FRAS1: variants seen among roughly 807,000 people sequenced by gnomAD.
The protein encoded by FRAS1 is Fraser extracellular matrix complex subunit 1.
Under a neutral mutation model 435.2 loss-of-function variants are expected in FRAS1, and 290 were observed. The ratio of observed to expected loss-of-function variants is 0.67; its 90% CI spans 0.61 to 0.73. FRAS1 has a LOEUF of 0.73. FRAS1 is among the 30% of genes least tolerant of loss of function. The pLI, the probability that FRAS1 is intolerant of heterozygous loss-of-function variation, is 0.00. For synonymous variants in FRAS1, 1,800 were observed against 1,851.0 expected (o/e 0.97, Z 0.71); for missense variants, 4,860 against 5,001.5 (o/e 0.97, Z 0.85).
intron 2 of FRAS1, among the ~76,000 whole-genome samples, chr4:78,162,438 C>A (rs534864397): frequency 6.6e-6 from 1 of 152,314 alleles, no homozygotes; most frequent in East Asian, 1.9e-4. Flanking sequence ...TGTTTTCTTG[C>A]ACTGCAGGAC....
intron 2 of FRAS1, among the ~76,000 whole-genome samples, chr4:78,174,352 T>C (rs1578166819): frequency 6.6e-6 from 1 of 152,344 alleles, no homozygotes; most frequent in Middle Eastern, 3.4e-3. Flanking sequence ...TGGAACCTGC[T>C]TAATGAAGAC....
At chr4:78,259,850 T>G (rs1443485119) in intron 6 of FRAS1, among the ~76,000 whole-genome samples, 5 of 151,924 alleles carry the variant, frequency 3.3e-5, no homozygotes, top group Non-Finnish European at 7.4e-5. Flanking sequence ...GGTTGAACGT[T>G]TAAGTCTTTA....
intron 18 of FRAS1, among the ~76,000 whole-genome samples, chr4:78,332,913 C>G (rs184999021): frequency 4.9e-4 from 75 of 152,314 alleles, no homozygotes; most frequent in Non-Finnish European, 8.5e-4. Context: ...CGATAAGCAG[C>G]AGAGTATCTA....
rs1387502813 is a variant in FRAS1 at position 78,448,146 on chromosome 4, C to T, written c.6104C>T (p.Ala2035Val). 1 of 1,613,744 alleles carries T rather than the reference C, an allele frequency of 6.2e-7. No individual in the cohort carries two copies. Among genetic ancestry groups the T allele is most frequent in the Non-Finnish European group, 8.5e-7 (1 of 1,179,836 alleles). The change falls in exon 44 of 74, where the codon GCT (alanine) becomes GTT (valine). Residue 2035 changes from alanine to valine, a missense_variant. Ala to Val is a moderately conservative substitution (Grantham distance 64, BLOSUM62 0). Transcript: ENST00000512123. Reference protein sequence around the residue: ...GSTFTYQDILAGLVGYVPSVP... With the variant: ...GSTFTYQDILVGLVGYVPSVP... Reference sequence around the variant, plus strand: ...ACCTTCACCTACCAGGATATCCTAGCTGGGCTGGTTGGGTATGTGCCTAGT... The same window carrying T: ...ACCTTCACCTACCAGGATATCCTAGTTGGGCTGGTTGGGTATGTGCCTAGT...
rs189639322 is a variant in FRAS1 at position 78,413,048 on chromosome 4, C to T, written c.4388C>T (p.Ala1463Val). Reference protein sequence around the residue: ...NIAILPQTPEAPKVSLEASLH... With the variant: ...NIAILPQTPEVPKVSLEASLH... ...GCGATCTTACCACAGACACCTGAAG[C>T]ACCTAAAGTGTCTCTGGAAGCATCT... The change falls in exon 32 of 74, where the codon GCA becomes GTA. Residue 1463 changes from alanine to valine, a missense_variant. Ala to Val is a moderately conservative substitution (Grantham distance 64). Transcript: ENST00000512123. The T allele has an allele frequency of 2.3e-5, 37 of 1,611,470 alleles. No homozygotes were observed. Among genetic ancestry groups the T allele is most frequent in the Admixed American group, 2.2e-4 (13 of 59,788 alleles).
chr4:78,130,797 A>G (rs1719645403), intron 2 of FRAS1, among the ~76,000 whole-genome samples: 2 of 152,212 alleles, frequency 1.3e-5, no homozygotes. Context: ...AGTCCCAAAG[A>G]TAAAAACAAA....
chr4:78,194,304 T>G (rs1373561696), intron 2 of FRAS1, among the ~76,000 whole-genome samples: 1 of 152,210 alleles, frequency 6.6e-6, no homozygotes, highest in Non-Finnish European at 1.5e-5. Flanking sequence ...ATTTCCTGAA[T>G]GTGAATGTTG....
chr4:78,426,689 A>T (rs1350006331), intron 35 of FRAS1, among the ~76,000 whole-genome samples: 3 of 152,210 alleles, frequency 2.0e-5, no homozygotes. Context: ...GAACACACTT[A>T]AGGCAAGTGG....
intron 35 of FRAS1, among the ~76,000 whole-genome samples, chr4:78,426,543 C>G (rs1454677199): frequency 1.3e-5 from 2 of 152,110 alleles, no homozygotes; most frequent in East Asian, 3.9e-4. Context: ...AGCCCAAGAG[C>G]TGACATTAAT....
At chr4:78,092,714 G>A (rs17002933) in intron 2 of FRAS1, among the ~76,000 whole-genome samples, 9,369 of 152,246 alleles carry the variant, frequency 0.062, 779 homozygotes, top group African/African-American at 0.19. Flanking sequence ...TGGTCCTAGG[G>A]AGACATGGGC....
chr4:78,118,963 C>T (rs900642048), intron 2 of FRAS1, among the ~76,000 whole-genome samples: 10 of 151,884 alleles, frequency 6.6e-5, no homozygotes, highest in South Asian at 2.1e-4. Flanking sequence ...CTTGGCTCCA[C>T]CACCTTATTT....
At chr4:78,504,247 C>G (rs1177874735) in intron 61 of FRAS1, among the ~76,000 whole-genome samples, 1 of 152,170 alleles carries the variant, frequency 6.6e-6, no homozygotes, top group Non-Finnish European at 1.5e-5. Context: ...TGCTGCAGAG[C>G]TAAGTTCAAG....
intron 67 of FRAS1, 27 bp downstream of exon 67, chr4:78,519,508 C>T (rs776576056): frequency 1.3e-6 from 2 of 1,595,038 alleles, no homozygotes; most frequent in East Asian, 2.3e-5. Flanking sequence ...CTTAACTATC[C>T]CTTTAGTTAG....
chr4:78,307,321 G>C (rs1344500621), intron 14 of FRAS1, among the ~76,000 whole-genome samples: 2 of 152,250 alleles, frequency 1.3e-5, no homozygotes, highest in East Asian at 3.8e-4. Context: ...TCTTTTGTTT[G>C]TCTGTGCCCT....
At position 78,445,730 on chromosome 4, in the gene FRAS1, T is replaced by C; in HGVS notation, c.5856+18T>C. ...CCATTGAGGTAAAGACTTTGGAAGT[T>C]GGAAAGGTTGAGCCCTTGACCACAA... On this transcript the variant is annotated intron_variant, in intron 42 of 73. Transcript: ENST00000512123. 1.2e-6 allele frequency: 2 copies of C among 1,613,666 alleles called. No individual in the cohort carries two copies. Among genetic ancestry groups the C allele is most frequent in the Non-Finnish European group, 1.7e-6 (2 of 1,179,698 alleles).
chr4:78,132,790 G>A (rs1271735411), intron 2 of FRAS1, among the ~76,000 whole-genome samples: 1 of 152,196 alleles, frequency 6.6e-6, no homozygotes, highest in Non-Finnish European at 1.5e-5. Context: ...CTGAAGATGG[G>A]AAGGGCCACT....
At chr4:78,183,775 T>TGTGTGTGTGTGTGTGTGTG (rs55783941) in intron 2 of FRAS1, among the ~76,000 whole-genome samples, 2 of 150,598 alleles carry the variant, frequency 1.3e-5, no homozygotes, top group African/African-American at 2.5e-5. Context: ...TGTGTGTGTG[T>TGTGTGTGTGTGTGTGTGTG]TTAAATATAT....
chr4:78,221,337 A>C (rs1724043678), intron 2 of FRAS1, among the ~76,000 whole-genome samples: 2 of 152,218 alleles, frequency 1.3e-5, no homozygotes. Context: ...TACTGTACGT[A>C]CACAAAGCTA....
chr4:78,363,029 T>C (rs1731135212), intron 20 of FRAS1, among the ~76,000 whole-genome samples: 1 of 152,118 alleles, frequency 6.6e-6, no homozygotes, highest in African/African-American at 2.4e-5. Context: ...TTTCAGGCTG[T>C]TTTTTGTTGT....
Sources: gnomAD v4.1 joint callset for allele counts (sites outside exome capture counted in the v4.1 genomes callset) on GRCh38, gnomAD v4.1.1 for gene constraint, MANE v1.5 for transcripts, NCBI Gene and HGNC (gene_info 2026-07-23, HGNC 2026-07-21) for gene names.